Variants in DLG2 observed in about 807,000 individuals in gnomAD.
DLG2 encodes discs large MAGUK scaffold protein 2, also known as disks large homolog 2.
DLG2 carries 45 observed loss-of-function variants against 132.5 expected under a neutral mutation model. That is an observed-to-expected ratio of 0.34 (90% CI 0.27 to 0.44). The LOEUF is 0.44. Ranked by LOEUF, DLG2 falls within the 20% of genes least tolerant of loss-of-function variation. DLG2 has a pLI of 1.00. For missense variants in DLG2, 1,045 were observed against 1,196.9 expected (o/e 0.87, Z 1.87); for synonymous variants, 424 against 419.6 (o/e 1.01, Z -0.13).
At position 84,861,502 on chromosome 11, in the gene DLG2, T is replaced by C. The variant is rs2083620056; in HGVS notation, c.357+250159A>G. Reference sequence around the variant, plus strand: ...TAAGGGATATTAGTTCCAAATGGTATTGCCTAAGTTTTCTTCTAGGGTTTT... The same window carrying C: ...TAAGGGATATTAGTTCCAAATGGTACTGCCTAAGTTTTCTTCTAGGGTTTT... On this transcript the variant is annotated intron_variant, in intron 6 of 27. Coordinates refer to ENST00000376104, the MANE Select transcript of DLG2 (RefSeq NM_001142699.3). Among the ~76,000 whole-genome samples, 3 of 151,802 alleles carry C rather than the reference T, an allele frequency of 2.0e-5. 1 individual carries two copies. The highest frequency in any genetic ancestry group is 4.2e-4 in the South Asian group (2 of 4,804).
At chr11:85,148,733 T>G (rs1040780272) in intron 5 of DLG2, among the ~76,000 whole-genome samples, 3 of 152,238 alleles carry the variant, frequency 2.0e-5, no homozygotes, top group Non-Finnish European at 2.9e-5. Context: ...TCCTTTGCTG[T>G]GCAGAAGCTC....
At chr11:84,109,906 G>A (rs544427222) in intron 9 of DLG2, among the ~76,000 whole-genome samples, 3 of 152,126 alleles carry the variant, frequency 2.0e-5, no homozygotes, top group East Asian at 1.9e-4. Context: ...CCTCCCCATC[G>A]GTCCCTACAT....
intron 16 of DLG2, among the ~76,000 whole-genome samples, chr11:83,866,141 A>T (rs768088193): frequency 9.9e-5 from 15 of 151,918 alleles, no homozygotes; most frequent in Non-Finnish European, 2.1e-4. Flanking sequence ...TATTCAATTA[A>T]TGTCTCATTT....
intron 3 of DLG2, among the ~76,000 whole-genome samples, chr11:85,441,987 C>T (rs932339841): frequency 6.6e-6 from 1 of 151,542 alleles, no homozygotes; most frequent in African/African-American, 2.4e-5. Context: ...AGAAGAAAAC[C>T]AGCCATGAAG....
intron 3 of DLG2, among the ~76,000 whole-genome samples, chr11:85,511,529 C>T (rs1165911904): frequency 6.6e-6 from 1 of 151,734 alleles, no homozygotes; most frequent in African/African-American, 2.4e-5. Flanking sequence ...AAATGGGTTG[C>T]CTCAGAGACT....
chr11:83,746,613 A>G (rs568689720), intron 18 of DLG2, among the ~76,000 whole-genome samples: 12 of 152,104 alleles, frequency 7.9e-5, no homozygotes, highest in Non-Finnish European at 1.5e-5. Flanking sequence ...GCATTAGGAG[A>G]TATACCTAAT....
At chr11:84,203,110 T>C (rs572868699) in intron 8 of DLG2, among the ~76,000 whole-genome samples, 2 of 139,298 alleles carry the variant, frequency 1.4e-5, no homozygotes, top group Non-Finnish European at 3.2e-5. Flanking sequence ...ATCCCATTAC[T>C]AGGTATATAC....
At chr11:85,410,752 C>T (rs1178679052) in intron 3 of DLG2, among the ~76,000 whole-genome samples, 1 of 151,856 alleles carries the variant, frequency 6.6e-6, no homozygotes, top group Non-Finnish European at 1.5e-5. Flanking sequence ...AATGAGTACA[C>T]TATGGTATAG....
At chr11:84,435,351 G>T (rs1016390445) in intron 7 of DLG2, among the ~76,000 whole-genome samples, 1 of 152,132 alleles carries the variant, frequency 6.6e-6, no homozygotes. Context: ...CATTCACCAG[G>T]CATCGACTGA....
chr11:85,455,533 T>A (rs2092393684), intron 3 of DLG2, among the ~76,000 whole-genome samples: 1 of 152,158 alleles, frequency 6.6e-6, no homozygotes. Context: ...CTTGCCTGAC[T>A]CCTTGGGCCA....
At chr11:85,202,509 A>C (rs560156542) in intron 4 of DLG2, among the ~76,000 whole-genome samples, 4 of 152,214 alleles carry the variant, frequency 2.6e-5, no homozygotes, top group African/African-American at 9.6e-5. Flanking sequence ...ATCAACAAGG[A>C]AACATCAAAT....
chr11:83,748,183 C>T (rs2093050927), intron 18 of DLG2, among the ~76,000 whole-genome samples: 1 of 152,180 alleles, frequency 6.6e-6, no homozygotes. Flanking sequence ...GATACATATT[C>T]ACGAGGGCTC....
At chr11:84,455,744 T>C (rs777702999) in intron 7 of DLG2, among the ~76,000 whole-genome samples, 1 of 151,392 alleles carries the variant, frequency 6.6e-6, no homozygotes, top group Non-Finnish European at 1.5e-5. Flanking sequence ...TTTGAAAATA[T>C]ATTCAAGGGC....
chr11:84,853,259 C>A (rs1414175643), intron 6 of DLG2, among the ~76,000 whole-genome samples: 1 of 151,880 alleles, frequency 6.6e-6, no homozygotes, highest in African/African-American at 2.4e-5. Flanking sequence ...GACACTATTG[C>A]CATTTTGAAA....
chr11:84,894,486 A>G (rs2089911159), intron 6 of DLG2, among the ~76,000 whole-genome samples: 2 of 152,084 alleles, frequency 1.3e-5, no homozygotes, highest in South Asian at 4.1e-4. Context: ...TACTCACCAC[A>G]TGTTTACACA....
chr11:85,556,977 G>A (rs1489933698), intron 3 of DLG2, among the ~76,000 whole-genome samples: 1 of 151,692 alleles, frequency 6.6e-6, no homozygotes, highest in Non-Finnish European at 1.5e-5. Context: ...GAAATAAAAA[G>A]CTCCAAATAA....
chr11:85,422,950 G>T (rs555279245), intron 3 of DLG2, among the ~76,000 whole-genome samples: 1 of 127,288 alleles, frequency 7.9e-6, no homozygotes, highest in African/African-American at 3.0e-5. Flanking sequence ...GTAAATCAGG[G>T]ATTTCTTCTT....
At chr11:83,681,173 C>CA (rs954001082) in intron 18 of DLG2, among the ~76,000 whole-genome samples, 19 of 151,606 alleles carry the variant, frequency 1.3e-4, no homozygotes, top group African/African-American at 3.9e-4. Flanking sequence ...TCTGCTATTG[C>CA]AAAAAAAAGT....
intron 18 of DLG2, among the ~76,000 whole-genome samples, chr11:83,742,748 A>T (rs986440083): frequency 1.3e-5 from 2 of 152,216 alleles, no homozygotes. Context: ...ATCCTGGTCC[A>T]TATTGTCATT....
Sources: gnomAD v4.1 joint callset for allele counts (sites outside exome capture counted in the v4.1 genomes callset) on GRCh38, gnomAD v4.1.1 for gene constraint, MANE v1.5 for transcripts, NCBI Gene and HGNC (gene_info 2026-07-23, HGNC 2026-07-21) for gene names.